The following MRPL45 variants were observed in gnomAD, a reference collection of about 807,000 sequenced individuals.
MRPL45 encodes large ribosomal subunit protein mL45.
In MRPL45, 20 loss-of-function variants were observed where a neutral mutation model predicts 38.1. The observed-to-expected ratio is 0.53, with a 90% CI of 0.37 to 0.76. MRPL45 has a LOEUF of 0.76. MRPL45 is among the 30% of genes least tolerant of loss of function. The pLI is 0.00. For missense variants in MRPL45, 337 were observed against 395.6 expected, an observed-to-expected ratio of 0.85 and a Z score of 1.26; for synonymous variants, 105 against 128.8, an observed-to-expected ratio of 0.82 and a Z score of 1.25.
rs1189797508 is a variant in MRPL45 at position 38,301,535 on chromosome 17, T to C, written c.362+2067T>C. Among the ~76,000 whole-genome samples, 10 of 151,588 alleles carry C rather than the reference T, an allele frequency of 6.6e-5. No homozygotes were observed. In the East Asian group the frequency reaches 1.9e-3, roughly 30 times the overall value. ...GGATTACAGGCGTGAGCCACCACGC[T>C]GGGCTATCATGTTTGTTTCTAAGGC... On this transcript the variant is annotated intron_variant, in intron 3 of 7. Coordinates refer to ENST00000613675, the MANE Select transcript of MRPL45 (RefSeq NM_032351.6).
intron 5 of MRPL45, 108 bp from the exon 6 acceptor site, chr17:38,320,510 G>A (rs1052394140): frequency 7.8e-6 from 9 of 1,158,838 alleles, no homozygotes; most frequent in Admixed American, 3.9e-5. Flanking sequence ...GGTGGGAAAC[G>A]TGCTGCCTGT....
At chr17:38,300,422 C>T (rs2036982058) in intron 3 of MRPL45, among the ~76,000 whole-genome samples, 1 of 152,118 alleles carries the variant, frequency 6.6e-6, no homozygotes, top group African/African-American at 2.4e-5. Context: ...CCTCAGCCTC[C>T]CAAAATTCTG....
At chr17:38,311,680 G>A (rs375428063) in intron 4 of MRPL45, among the ~76,000 whole-genome samples, 2,098 of 81,002 alleles carry the variant, frequency 0.026, 47 homozygotes, top group African/African-American at 0.083. Flanking sequence ...GCGAGACTCC[G>A]TCTCAAAAAA....
At chr17:38,304,834 G>C (rs1307771762) in intron 3 of MRPL45, among the ~76,000 whole-genome samples, 6 of 129,246 alleles carry the variant, frequency 4.6e-5, no homozygotes, top group Non-Finnish European at 9.6e-5. Flanking sequence ...GAGTCACTGC[G>C]CCCGGCCGTA....
Sources: gnomAD v4.1 joint callset for allele counts (sites outside exome capture counted in the v4.1 genomes callset) on GRCh38, gnomAD v4.1.1 for gene constraint, MANE v1.5 for transcripts, NCBI Gene and HGNC (gene_info 2026-07-23, HGNC 2026-07-21) for gene names.